AKAP9: variants seen among roughly 807,000 people sequenced by gnomAD.
The protein encoded by AKAP9 is A-kinase anchor protein 9.
AKAP9 carries 311 observed loss-of-function variants against 488.5 expected under a neutral mutation model. The observed-to-expected ratio is 0.64, with a 90% CI of 0.58 to 0.70. The LOEUF is 0.70. Among genes scored for constraint, AKAP9 ranks in the 30% least tolerant of loss-of-function variants. AKAP9 has a pLI of 0.00. For missense variants in AKAP9, 4,215 were observed against 4,374.5 expected (o/e 0.96, Z 1.03); for synonymous variants, 1,462 against 1,483.5 (o/e 0.99, Z 0.33).
At position 92,001,234 on chromosome 7, in the gene AKAP9, G is replaced by T; in HGVS notation, c.1317G>T (p.Glu439Asp). 1 of 1,613,994 alleles carries T rather than the reference G, an allele frequency of 6.2e-7. No homozygotes were observed. The highest frequency in any genetic ancestry group is 2.2e-5 in the East Asian group (1 of 44,874). The change falls in exon 8 of 50, where the codon GAG (glutamate) becomes GAT (aspartate). Residue 439 changes from glutamate to aspartate, a missense_variant. Physicochemically the swap from Glu to Asp is conservative, Grantham distance 45. This residue lies in a region of AKAP9 where 2,361 missense variants were observed against 2,430.0 expected (regional missense o/e 0.97). Transcript: ENST00000356239. ...AACAACTCCGGGCAGAGCTGGATGA[G>T]ATGTATGGGCAGCAGATAGTGCAAA... ...KLEQLRAELD[E>D]MYGQQIVQMK...
chr7:91,952,263 CTATT>C (rs1211367891), intron 1 of AKAP9, among the ~76,000 whole-genome samples: 7 of 152,166 alleles, frequency 4.6e-5, no homozygotes, highest in African/African-American at 1.7e-4. Context: ...CTACAGGGAG[CTATT>C]TATTTACTCA....
chr7:92,016,389 ATCC>A (rs1801513532), intron 11 of AKAP9, 122 bp downstream of exon 11: 1 of 700,798 alleles, frequency 1.4e-6, no homozygotes, highest in Middle Eastern at 4.1e-4. Context: ...TTAACATTTT[ATCC>A]TCCTTTCAGA....
chr7:92,042,297 T>C, intron 19 of AKAP9, 111 bp downstream of exon 19: 1 of 1,399,974 alleles, frequency 7.1e-7, no homozygotes, highest in East Asian at 2.3e-5. Flanking sequence ...GAGCTTAACA[T>C]ATTTGTGACT....
At chr7:92,065,557 G>C in intron 25 of AKAP9, 94 bp downstream of exon 25, 1 of 916,940 alleles carries the variant, frequency 1.1e-6, no homozygotes, top group Non-Finnish European at 1.7e-6. Flanking sequence ...AAAGACTGTT[G>C]AGTTAGTTTT....
At chr7:91,988,048 C>G (rs991851401) in intron 3 of AKAP9, among the ~76,000 whole-genome samples, 5 of 151,936 alleles carry the variant, frequency 3.3e-5, no homozygotes, top group Admixed American at 2.6e-4. Flanking sequence ...GGCATAGTGG[C>G]GGGCACATGT....
At chr7:91,943,284 G>A (rs1254509373) in intron 1 of AKAP9, among the ~76,000 whole-genome samples, 16 of 152,086 alleles carry the variant, frequency 1.1e-4, no homozygotes, top group Non-Finnish European at 1.5e-5. Context: ...ATATAAATAT[G>A]ATGGAATATT....
At chr7:92,097,872 C>A in intron 42 of AKAP9, 78 bp downstream of exon 42, 2 of 1,415,134 alleles carry the variant, frequency 1.4e-6, no homozygotes, top group Non-Finnish European at 2.0e-6. Context: ...GACAGCTAGC[C>A]AAGGGTGGGG....
intron 32 of AKAP9, 107 bp downstream of exon 32, chr7:92,082,769 G>A: frequency 7.9e-7 from 1 of 1,271,916 alleles, no homozygotes; most frequent in Admixed American, 2.3e-5. Context: ...TTAAAAGCTA[G>A]ATAAAAAGTA....
chr7:92,041,781 C>A (rs1278990178), intron 18 of AKAP9: 8 of 343,300 alleles, frequency 2.3e-5, no homozygotes, highest in Non-Finnish European at 3.8e-5. Flanking sequence ...TTTGTGAATT[C>A]AAACTTCTTA....
chr7:92,033,878 G>A (rs1804712917), intron 16 of AKAP9, among the ~76,000 whole-genome samples: 1 of 152,212 alleles, frequency 6.6e-6, no homozygotes, highest in African/African-American at 2.4e-5. Context: ...TCACTGTTAA[G>A]CAATGTTCTG....
chr7:92,082,613 A>C lies in AKAP9; in HGVS notation c.8111A>C (p.Glu2704Ala). 4 of 1,614,078 alleles carry C rather than the reference A, an allele frequency of 2.5e-6. No individual in the cohort carries two copies. Among genetic ancestry groups the C allele is most frequent in the Non-Finnish European group, 3.4e-6 (4 of 1,179,970 alleles). Reference sequence around the variant, plus strand: ...GCTGAATCAGTGGCTACCAAAGCAGAACTTGCCAGTTATAAAGAAAAGGCT... The same window carrying C: ...GCTGAATCAGTGGCTACCAAAGCAGCACTTGCCAGTTATAAAGAAAAGGCT... ...LRAESVATKA[E>A]LASYKEKAEK... The change falls in exon 32 of 50, where the codon GAA becomes GCA. Residue 2704 changes from glutamate (E) to alanine (A), a missense_variant. Physicochemically the swap from Glu to Ala is moderately radical, Grantham distance 107. This residue lies in a region of AKAP9 where 1,476 missense variants were observed against 1,477.4 expected (regional missense o/e 1.00). Transcript: ENST00000356239.
chr7:92,103,267 G>A (rs1817900288), intron 46 of AKAP9, among the ~76,000 whole-genome samples: 1 of 151,928 alleles, frequency 6.6e-6, no homozygotes, highest in South Asian at 2.1e-4. Flanking sequence ...GCAGGCACCT[G>A]TAGTCCCAGC....
At chr7:92,064,640 T>C (rs1350044205) in intron 24 of AKAP9, among the ~76,000 whole-genome samples, 3 of 152,178 alleles carry the variant, frequency 2.0e-5, no homozygotes, top group Non-Finnish European at 4.4e-5. Flanking sequence ...ACATGTCAGT[T>C]TTCCCTTGAT....
In AKAP9 at chr7:92,003,033, A is replaced by G. The variant is rs1204913884; in HGVS notation, c.3116A>G (p.Asn1039Ser). 6.2e-7 allele frequency: 1 copy of G among 1,613,482 alleles called. No individual in the cohort carries two copies. Among genetic ancestry groups the G allele is most frequent in the Non-Finnish European group, 8.5e-7 (1 of 1,179,632 alleles). Reference sequence around the variant, plus strand: ...GCTGAAGGATCAGTTTCTAAAGTAAATAAAAGTTTTGGTGAAGAATCAAAA... The same window carrying G: ...GCTGAAGGATCAGTTTCTAAAGTAAGTAAAAGTTTTGGTGAAGAATCAAAA... ...RGAEGSVSKV[N>S]KSFGEESKIM... Residue 1039 changes from asparagine (N) to serine (S), a missense_variant, in exon 8 of 50, where the codon AAT becomes AGT. Around this residue, in one of 5 missense-constraint regions of AKAP9, gnomAD observed 2,361 missense variants for 2,430.0 expected, o/e 0.97. Coordinates refer to ENST00000356239, the MANE Select transcript of AKAP9 (RefSeq NM_005751.5).
intron 19 of AKAP9, 47 bp downstream of exon 19, chr7:92,042,233 G>A: frequency 6.2e-7 from 1 of 1,611,232 alleles, no homozygotes; most frequent in African/African-American, 1.3e-5. Context: ...CACCAATTCA[G>A]TAGGATTTGT....
At chr7:92,036,047 A>G (rs1192383641) in intron 16 of AKAP9, among the ~76,000 whole-genome samples, 1 of 151,514 alleles carries the variant, frequency 6.6e-6, no homozygotes, top group African/African-American at 2.4e-5. Context: ...TATTGGGAGT[A>G]AACTATGTTT....
Position 92,079,076 on chromosome 7 carries a change from T to C in AKAP9, c.6946-3T>C, listed in dbSNP as rs1196784193. ...GTATGTTACCTTTTTCATTAATTAT[T>C]AGGTTATTGAAGAAAAAAATGAACT... is the stretch of plus-strand genomic sequence containing the variant. On this transcript the variant is annotated splice_polypyrimidine_tract_variant and splice_region_variant and intron_variant, in intron 30 of 49. Coordinates refer to ENST00000356239, the MANE Select transcript of AKAP9 (RefSeq NM_005751.5). 1.9e-6 allele frequency: 3 copies of C among 1,575,984 alleles called. No homozygotes were observed. In the African/African-American group the frequency reaches 4.1e-5, roughly 22 times the overall value.
At chr7:91,985,174 G>A (rs1285312944) in intron 3 of AKAP9, among the ~76,000 whole-genome samples, 1 of 152,178 alleles carries the variant, frequency 6.6e-6, no homozygotes, top group Admixed American at 6.5e-5. Context: ...GTGACAGAGG[G>A]CATCCTTGTC....
intron 12 of AKAP9, among the ~76,000 whole-genome samples, chr7:92,019,073 A>C (rs960833863): frequency 1.3e-5 from 2 of 152,178 alleles, no homozygotes; most frequent in African/African-American, 4.8e-5. Context: ...TACAAAGAAT[A>C]TGAAAGAAAA....
Sources: gnomAD v4.1 joint callset for allele counts (sites outside exome capture counted in the v4.1 genomes callset) on GRCh38, gnomAD v4.1.1 for gene constraint, gnomAD v4.1.1 regional missense constraint, MANE v1.5 for transcripts, NCBI Gene and HGNC (gene_info 2026-07-23, HGNC 2026-07-21) for gene names.